The following SEL1L2 variants were observed in gnomAD, a reference collection of about 807,000 sequenced individuals.
SEL1L2 encodes protein sel-1 homolog 2.
Under a neutral mutation model 98.8 loss-of-function variants are expected in SEL1L2, and 89 were observed. The ratio of observed to expected loss-of-function variants is 0.90; its 90% CI spans 0.76 to 1.07. The LOEUF (loss-of-function observed/expected upper bound fraction) is 1.07, where lower values mean the gene tolerates loss of function less well. Among genes scored for constraint, SEL1L2 ranks in the 50% least tolerant of loss-of-function variants. SEL1L2 has a pLI of 0.00. For synonymous variants in SEL1L2, 262 were observed against 278.5 expected, an observed-to-expected ratio of 0.94 and a Z score of 0.59; for missense variants, 788 against 812.0, an observed-to-expected ratio of 0.97 and a Z score of 0.36.
intron 1 of SEL1L2, among the ~76,000 whole-genome samples, chr20:13,975,471 G>C (rs2051491237): frequency 6.6e-6 from 1 of 152,132 alleles, no homozygotes; most frequent in Non-Finnish European, 1.5e-5. Context: ...AGGTAATACA[G>C]AGTAAACGCC....
At chr20:13,920,537 A>G (rs757290481) in intron 3 of SEL1L2, among the ~76,000 whole-genome samples, 1 of 151,728 alleles carries the variant, frequency 6.6e-6, no homozygotes, top group African/African-American at 2.4e-5. Context: ...CAATGTGTGC[A>G]TATGCACACA....
At chr20:13,855,354 TA>T (rs146899462) in intron 18 of SEL1L2, among the ~76,000 whole-genome samples, 1,602 of 152,256 alleles carry the variant, frequency 0.011, 29 homozygotes, top group African/African-American at 0.037. Context: ...CAATAAAAAG[TA>T]AATAAGATTC....
chr20:13,994,726 A>G (rs980596314), upstream of SEL1L2, among the ~76,000 whole-genome samples: 1 of 152,184 alleles, frequency 6.6e-6, no homozygotes, highest in African/African-American at 2.4e-5. Flanking sequence ...ACATTAAGCA[A>G]TTGGTAGAAT....
chr20:13,863,085 A>T (rs1990432244), intron 17 of SEL1L2, among the ~76,000 whole-genome samples: 1 of 152,176 alleles, frequency 6.6e-6, no homozygotes, highest in Admixed American at 6.5e-5. Flanking sequence ...TGGGAGCAAG[A>T]ACTTATAAGA....
intron 5 of SEL1L2, among the ~76,000 whole-genome samples, chr20:13,891,420 G>C (rs1054578255): frequency 6.6e-6 from 1 of 152,132 alleles, no homozygotes. Flanking sequence ...TGTAATCCCA[G>C]TACTTTGGGA....
At chr20:13,865,311 A>G (rs1269704930) in intron 16 of SEL1L2, 38 bp downstream of exon 16, 11 of 1,610,978 alleles carry the variant, frequency 6.8e-6, no homozygotes, top group Non-Finnish European at 7.6e-6. Flanking sequence ...ATGCATATGT[A>G]TGATTGGGGG....
chr20:13,931,617 C>T lies in SEL1L2; in HGVS notation c.269G>A (p.Arg90Lys). Residue 90 changes from arginine (R) to lysine (K), a missense_variant, in exon 3 of 20, where the codon AGA becomes AAA. By Grantham distance (26) the Arg-to-Lys change is conservative. Coordinates refer to ENST00000284951, the MANE Select transcript of SEL1L2 (RefSeq NM_025229.2). Reference sequence around the variant, plus strand: ...ATTCTACTTACAATGATTCTTATTTCTCTTCAAGATATCTTTATTTTGAAT... The same window carrying T: ...ATTCTACTTACAATGATTCTTATTTTTCTTCAAGATATCTTTATTTTGAAT... ...KGIQNKDILKRNKNHLQKQAE... is the reference protein window; with the variant it reads ...KGIQNKDILKKNKNHLQKQAE... 1 of 1,390,696 alleles carries T rather than the reference C, an allele frequency of 7.2e-7. No individual in the cohort carries two copies. 86.1% of individuals were successfully genotyped at this position (1,390,696 alleles called of 1,614,324 possible).
intron 1 of SEL1L2, among the ~76,000 whole-genome samples, chr20:13,972,936 A>G (rs2051351391): frequency 6.6e-6 from 1 of 151,996 alleles, no homozygotes; most frequent in African/African-American, 2.4e-5. Context: ...GTCTTTTTTC[A>G]TATCTAGGGA....
At chr20:13,924,566 C>CT (rs2148267742) in intron 3 of SEL1L2, among the ~76,000 whole-genome samples, 1 of 152,162 alleles carries the variant, frequency 6.6e-6, no homozygotes, top group East Asian at 1.9e-4. Flanking sequence ...GCTGGGACTA[C>CT]TGGTATGTGC....
At chr20:13,943,145 TTTA>T (rs1401363290) in intron 2 of SEL1L2, among the ~76,000 whole-genome samples, 7 of 152,238 alleles carry the variant, frequency 4.6e-5, no homozygotes, top group Non-Finnish European at 8.8e-5. Flanking sequence ...TGCTTATTAT[TTTA>T]TTGTGTATTT....
At chr20:13,960,124 G>A (rs1282806711) in intron 1 of SEL1L2, among the ~76,000 whole-genome samples, 1 of 152,140 alleles carries the variant, frequency 6.6e-6, no homozygotes, top group Admixed American at 6.5e-5. Context: ...AAGTAAACTA[G>A]AAAAAGCAAT....
rs566638553 is a variant in SEL1L2 at position 13,851,901 on chromosome 20, A to C, written c.1819-1582T>G. 7.6e-4 allele frequency among the ~76,000 whole-genome samples: 115 copies of C among 152,262 alleles called. 1 individual carries two copies. The highest frequency in any genetic ancestry group is 2.7e-3 in the African/African-American group (112 of 41,550). On this transcript the variant is annotated intron_variant, in intron 18 of 19. Transcript: ENST00000284951. ...GTCTTCTCTCAGCTGTGTTCTGCTT[A>C]TTATAGCTTAAATATTTTCCAAAGC...
intron 1 of SEL1L2, among the ~76,000 whole-genome samples, chr20:13,986,761 G>A (rs896346354): frequency 6.6e-6 from 1 of 152,032 alleles, no homozygotes; most frequent in Admixed American, 6.6e-5. Context: ...ATTTCTCTTG[G>A]TTATATACCT....
At chr20:13,938,662 T>C (rs925827028) in intron 2 of SEL1L2, among the ~76,000 whole-genome samples, 2 of 152,188 alleles carry the variant, frequency 1.3e-5, no homozygotes, top group Admixed American at 1.3e-4. Context: ...GTTTACCATT[T>C]ATTAGCTGTG....
Position 13,931,702 on chromosome 20 carries a change from T to C in SEL1L2, c.184A>G (p.Asn62Asp). The C allele has an allele frequency of 6.4e-7, 1 of 1,570,314 alleles. No individual in the cohort carries two copies. ...TTCTCCAGGAGATTTTCTCTTTTAT[T>C]GATTACATTACTAGATGTTCTTTGT... ...LEQRTSSNVI[N>D]KRENLLEKKK... The change falls in exon 3 of 20, where the codon AAT becomes GAT. Residue 62 changes from asparagine (N) to aspartate (D), a missense_variant. By Grantham distance (23) the Asn-to-Asp change is conservative. Transcript: ENST00000284951.
intron 5 of SEL1L2, among the ~76,000 whole-genome samples, chr20:13,907,731 T>TTTC (rs1200377254): frequency 7.9e-6 from 1 of 127,270 alleles, no homozygotes; most frequent in Admixed American, 8.1e-5. Flanking sequence ...TCTTTCTTTC[T>TTTC]TTCTTTCTTT....
chr20:13,982,196 T>C (rs1481975027), intron 1 of SEL1L2, among the ~76,000 whole-genome samples: 1 of 152,176 alleles, frequency 6.6e-6, no homozygotes. Flanking sequence ...CAGAAGTGTA[T>C]GATAGGAGTT....
At chr20:13,969,849 TA>T (rs1483778615) in intron 1 of SEL1L2, among the ~76,000 whole-genome samples, 1 of 152,186 alleles carries the variant, frequency 6.6e-6, no homozygotes, top group Admixed American at 6.5e-5. Flanking sequence ...AGTGACTAAA[TA>T]AATTTGCCTT....
chr20:13,978,975 G>A (rs991628159), intron 1 of SEL1L2, among the ~76,000 whole-genome samples: 8 of 152,108 alleles, frequency 5.3e-5, no homozygotes, highest in African/African-American at 1.2e-4. Context: ...CACAAGAATC[G>A]CTTGAAACCA....
Sources: gnomAD v4.1 joint callset for allele counts (sites outside exome capture counted in the v4.1 genomes callset) on GRCh38, gnomAD v4.1.1 for gene constraint, MANE v1.5 for transcripts, NCBI Gene and HGNC (gene_info 2026-07-23, HGNC 2026-07-21) for gene names.